Variants in LRP6 observed in about 807,000 individuals in gnomAD.
LRP6 encodes low-density lipoprotein receptor-related protein 6.
In LRP6, 43 loss-of-function variants were observed where a neutral mutation model predicts 184.1. The ratio of observed to expected loss-of-function variants is 0.23; its 90% CI spans 0.18 to 0.30. The LOEUF is 0.30. Among genes scored for constraint, LRP6 ranks in the 10% least tolerant of loss-of-function variants. The pLI, the probability that LRP6 is intolerant of heterozygous loss-of-function variation, is 1.00. For missense variants in LRP6, 1,571 were observed against 2,005.3 expected, an observed-to-expected ratio of 0.78 and a Z score of 4.14; for synonymous variants, 719 against 684.9, an observed-to-expected ratio of 1.05 and a Z score of -0.78.
chr12:12,213,195 T>G (rs749544399), intron 2 of LRP6, among the ~76,000 whole-genome samples: 1 of 152,166 alleles, frequency 6.6e-6, no homozygotes, highest in Non-Finnish European at 1.5e-5. Flanking sequence ...ATTAATGACA[T>G]ATGTTTTGGT....
At chr12:12,155,807 T>TA (rs36120700) in intron 12 of LRP6, 12,204 of 621,470 alleles carry the variant, frequency 0.02, 13 homozygotes, top group African/African-American at 0.031. Flanking sequence ...TCTGGACTGT[T>TA]AAAAAAAAAA....
chr12:12,194,885 C>T (rs1274251221), intron 3 of LRP6, among the ~76,000 whole-genome samples: 1 of 151,992 alleles, frequency 6.6e-6, no homozygotes, highest in Non-Finnish European at 1.5e-5. Flanking sequence ...CCTCTAGTAT[C>T]CCCTATTCTA....
At chr12:12,206,501 C>T (rs556427339) in intron 2 of LRP6, among the ~76,000 whole-genome samples, 7 of 151,124 alleles carry the variant, frequency 4.6e-5, no homozygotes, top group Admixed American at 2.6e-4. Flanking sequence ...GGAGATAGCG[C>T]CACTGCATTC....
At chr12:12,148,661 T>C (rs573851359) in intron 14 of LRP6, among the ~76,000 whole-genome samples, 20 of 152,256 alleles carry the variant, frequency 1.3e-4, no homozygotes, top group Middle Eastern at 3.4e-3. Context: ...ATGAGGTAGA[T>C]CGAGGAAAAC....
rs148642586 is a variant in LRP6 at position 12,196,319 on chromosome 12, T to C, written c.647+6884A>G. Among the ~76,000 whole-genome samples the C allele has an allele frequency of 2.4e-3, 371 of 152,188 alleles. 1 individual carries two copies. The highest frequency in any genetic ancestry group is 8.1e-3 in the African/African-American group (336 of 41,546). The stretch of plus-strand genomic sequence containing the variant: ...ATTTTAACTATAATAATTATTCCAA[T>C]CCATGAGCATGAAATGTTTTTCCAT... On this transcript the variant is annotated intron_variant, in intron 3 of 22. Transcript: ENST00000261349.
chr12:12,185,476 A>G (rs1863446104), intron 4 of LRP6, among the ~76,000 whole-genome samples: 2 of 152,226 alleles, frequency 1.3e-5, no homozygotes, highest in Admixed American at 1.3e-4. Context: ...CCCTAAATGG[A>G]GAGCTAATAT....
At chr12:12,197,112 T>C (rs1054170275) in intron 3 of LRP6, among the ~76,000 whole-genome samples, 1 of 152,170 alleles carries the variant, frequency 6.6e-6, no homozygotes, top group African/African-American at 2.4e-5. Context: ...AATCTAAGAG[T>C]AACCAATTCC....
intron 2 of LRP6, among the ~76,000 whole-genome samples, chr12:12,221,820 G>A (rs980542363): frequency 6.6e-6 from 1 of 152,194 alleles, no homozygotes; most frequent in Non-Finnish European, 1.5e-5. Flanking sequence ...GTACTCGCCT[G>A]TGTGGAGGTT....
intron 7 of LRP6, among the ~76,000 whole-genome samples, chr12:12,165,548 G>A (rs1438246904): frequency 6.6e-6 from 1 of 152,092 alleles, no homozygotes; most frequent in Admixed American, 6.5e-5. Context: ...TTTAGATTAT[G>A]CAACTCTTCT....
At chr12:12,194,762 T>C (rs1304397768) in intron 3 of LRP6, among the ~76,000 whole-genome samples, 1 of 152,158 alleles carries the variant, frequency 6.6e-6, no homozygotes, top group South Asian at 2.1e-4. Context: ...TGAAATTATA[T>C]AATGTTTTAC....
intron 19 of LRP6, among the ~76,000 whole-genome samples, chr12:12,127,661 G>A (rs1949691299): frequency 6.6e-6 from 1 of 152,038 alleles, no homozygotes; most frequent in South Asian, 2.1e-4. Context: ...AGAAGCAGAG[G>A]GCATCAATAT....
At chr12:12,124,163 C>G (rs1269551365) in intron 22 of LRP6, among the ~76,000 whole-genome samples, 2 of 152,000 alleles carry the variant, frequency 1.3e-5, no homozygotes, top group African/African-American at 4.8e-5. Flanking sequence ...CACCTGAGAT[C>G]AGGAGTTCGA....
intron 2 of LRP6, among the ~76,000 whole-genome samples, chr12:12,228,355 C>T (rs1864686272): frequency 6.6e-6 from 1 of 151,828 alleles, no homozygotes; most frequent in African/African-American, 2.4e-5. Flanking sequence ...CACAGCGAGG[C>T]TCCATCTCAA....
At chr12:12,221,121 G>A (rs1864477057) in intron 2 of LRP6, among the ~76,000 whole-genome samples, 1 of 152,172 alleles carries the variant, frequency 6.6e-6, no homozygotes, top group Non-Finnish European at 1.5e-5. Flanking sequence ...AAAACTGTCA[G>A]CTAAATCACA....
Position 12,187,202 on chromosome 12 carries a change from C to T in LRP6, c.648-83G>A, listed in dbSNP as rs2137005338. On this transcript the variant is annotated intron_variant, in intron 3 of 22. Coordinates refer to ENST00000261349, the MANE Select transcript of LRP6 (RefSeq NM_002336.3). ...ACGTCACCTCTCCCATTAAAATGAT[C>T]TTAGTTCACATTAACACATACAAAT... 3 of 1,148,720 alleles carry T rather than the reference C, an allele frequency of 2.6e-6. No homozygotes were observed. In the East Asian group the frequency reaches 7.7e-5, roughly 29 times the overall value. 71.2% of individuals were successfully genotyped at this position (1,148,720 alleles called of 1,614,324 possible).
chr12:12,158,291 C>T (rs1017652649), intron 12 of LRP6, among the ~76,000 whole-genome samples: 13 of 152,130 alleles, frequency 8.5e-5, no homozygotes, highest in African/African-American at 2.2e-4. Context: ...GCAACTTTTA[C>T]ACTTAATATT....
intron 1 of LRP6, among the ~76,000 whole-genome samples, chr12:12,256,400 A>G (rs1865466455): frequency 6.6e-6 from 1 of 152,118 alleles, no homozygotes; most frequent in Non-Finnish European, 1.5e-5. Context: ...TCTATAAAAA[A>G]TACAAAAACT....
chr12:12,249,580 G>A (rs893826407), intron 1 of LRP6, among the ~76,000 whole-genome samples: 3 of 151,914 alleles, frequency 2.0e-5, no homozygotes, highest in African/African-American at 4.8e-5. Context: ...TCAAAGTACT[G>A]GAAAGGAAGC....
At chr12:12,154,187 T>A (rs774010856) in intron 12 of LRP6, among the ~76,000 whole-genome samples, 1 of 152,236 alleles carries the variant, frequency 6.6e-6, no homozygotes, top group Non-Finnish European at 1.5e-5. Context: ...GCTTCCTAGG[T>A]GTTCCTCTAA....
Sources: gnomAD v4.1 joint callset for allele counts (sites outside exome capture counted in the v4.1 genomes callset) on GRCh38, gnomAD v4.1.1 for gene constraint, MANE v1.5 for transcripts, NCBI Gene and HGNC (gene_info 2026-07-23, HGNC 2026-07-21) for gene names.